Variants in ZCCHC7 observed in about 807,000 individuals in gnomAD.
ZCCHC7 encodes the protein zinc finger CCHC domain-containing protein 7.
Under a neutral mutation model 52.0 loss-of-function variants are expected in ZCCHC7, and 35 were observed. The ratio of observed to expected loss-of-function variants is 0.67; its 90% confidence interval spans 0.51 to 0.89. The LOEUF is 0.89. ZCCHC7 is among the 40% of genes least tolerant of loss of function. ZCCHC7 has a pLI of 0.00. For missense variants in ZCCHC7, 574 were observed against 649.1 expected (o/e 0.88, Z 1.26); for synonymous variants, 217 against 221.5 (o/e 0.98, Z 0.18).
chr9:37,181,250 C>T (rs1026548711), intron 2 of ZCCHC7, among the ~76,000 whole-genome samples: 1 of 151,586 alleles, frequency 6.6e-6, no homozygotes, highest in African/African-American at 2.4e-5. Context: ...TTTCACTTGT[C>T]CAGATGATAT....
chr9:37,235,933 A>G (rs1825631087), intron 2 of ZCCHC7, among the ~76,000 whole-genome samples: 1 of 151,950 alleles, frequency 6.6e-6, no homozygotes, highest in East Asian at 1.9e-4. Context: ...GTGTATCTAT[A>G]TCACATTTTC....
chr9:37,218,911 T>G (rs2133250684), intron 2 of ZCCHC7, among the ~76,000 whole-genome samples: 1 of 151,964 alleles, frequency 6.6e-6, no homozygotes, highest in East Asian at 1.9e-4. Context: ...TCTGCAGTCT[T>G]TTTTCTCCTT....
intron 2 of ZCCHC7, among the ~76,000 whole-genome samples, chr9:37,182,716 A>T (rs1018634821): frequency 6.6e-6 from 1 of 152,254 alleles, no homozygotes; most frequent in African/African-American, 2.4e-5. Flanking sequence ...GTGGAAAATC[A>T]GTCTGTCTTG....
intron 2 of ZCCHC7, among the ~76,000 whole-genome samples, chr9:37,187,529 C>G (rs890204479): frequency 2.0e-5 from 3 of 152,170 alleles, no homozygotes; most frequent in Admixed American, 1.3e-4. Flanking sequence ...CTGATTGTTC[C>G]CCAGAGTTTG....
intron 2 of ZCCHC7, among the ~76,000 whole-genome samples, chr9:37,240,609 C>G (rs1332540262): frequency 1.5e-4 from 23 of 151,576 alleles, no homozygotes; most frequent in Admixed American, 1.5e-3. Context: ...AAGATTAAAC[C>G]AAAAGATAAT....
chr9:37,310,016 T>C (rs1829519846), intron 5 of ZCCHC7, among the ~76,000 whole-genome samples: 1 of 152,172 alleles, frequency 6.6e-6, no homozygotes, highest in African/African-American at 2.4e-5. Flanking sequence ...TTACCAGATA[T>C]ATGTATGCAA....
At chr9:37,211,876 A>C (rs1824235597) in intron 2 of ZCCHC7, among the ~76,000 whole-genome samples, 1 of 151,800 alleles carries the variant, frequency 6.6e-6, no homozygotes, top group Admixed American at 6.6e-5. Flanking sequence ...AAAATACAAA[A>C]AATTAGCCGA....
At chr9:37,216,796 G>A (rs565292314) in intron 2 of ZCCHC7, among the ~76,000 whole-genome samples, 24 of 152,152 alleles carry the variant, frequency 1.6e-4, no homozygotes, top group South Asian at 8.3e-4. Context: ...GCCAGAAAAC[G>A]GAAGTCTTTG....
chr9:37,341,081 A>G (rs576373666), intron 6 of ZCCHC7, among the ~76,000 whole-genome samples: 1 of 152,290 alleles, frequency 6.6e-6, no homozygotes, highest in African/African-American at 2.4e-5. Flanking sequence ...TCAACATGAA[A>G]CATGCTTTCA....
At chr9:37,350,503 A>G (rs1022919922) in intron 7 of ZCCHC7, among the ~76,000 whole-genome samples, 2 of 152,216 alleles carry the variant, frequency 1.3e-5, no homozygotes. Flanking sequence ...CATCACATAC[A>G]TGTAAACCCT....
chr9:37,189,577 G>A (rs1057457113), intron 2 of ZCCHC7, among the ~76,000 whole-genome samples: 4 of 152,038 alleles, frequency 2.6e-5, no homozygotes, highest in African/African-American at 7.2e-5. Context: ...TAGTAGAGAC[G>A]CGGTTTCACC....
intron 2 of ZCCHC7, among the ~76,000 whole-genome samples, chr9:37,138,308 A>C (rs192566929): frequency 6.6e-6 from 1 of 152,190 alleles, no homozygotes; most frequent in Non-Finnish European, 1.5e-5. Flanking sequence ...ATTGTTCAGC[A>C]GAATGAAAAT....
chr9:37,151,423 A>C (rs1212829946), intron 2 of ZCCHC7, among the ~76,000 whole-genome samples: 1 of 152,216 alleles, frequency 6.6e-6, no homozygotes, highest in African/African-American at 2.4e-5. Context: ...TGACACTGGA[A>C]AGGGTAGCTT....
chr9:37,124,087 C>T (rs944516648), intron 1 of ZCCHC7, among the ~76,000 whole-genome samples: 7 of 152,146 alleles, frequency 4.6e-5, no homozygotes, highest in Non-Finnish European at 1.0e-4. Context: ...CACCACAACA[C>T]CCTGGTATTT....
At chr9:37,223,009 A>G (rs147277625) in intron 2 of ZCCHC7, among the ~76,000 whole-genome samples, 61 of 152,236 alleles carry the variant, frequency 4.0e-4, no homozygotes, top group East Asian at 3.7e-3. Flanking sequence ...ACATATATAT[A>G]TGTGTGTATG....
chr9:37,265,335 A>G (rs1827053528), intron 2 of ZCCHC7, among the ~76,000 whole-genome samples: 1 of 152,086 alleles, frequency 6.6e-6, no homozygotes, highest in South Asian at 2.1e-4. Context: ...CTAGGATCCT[A>G]GGATTCCTAG....
chr9:37,144,204 T>C (rs2132791027), intron 2 of ZCCHC7, among the ~76,000 whole-genome samples: 1 of 151,984 alleles, frequency 6.6e-6, no homozygotes, highest in East Asian at 1.9e-4. Context: ...GAAAATATAC[T>C]TAATTTAAAA....
chr9:37,293,373 G>C (rs1828627525), intron 2 of ZCCHC7, among the ~76,000 whole-genome samples: 3 of 152,252 alleles, frequency 2.0e-5, no homozygotes, highest in South Asian at 2.1e-4. Flanking sequence ...GAAATAATAG[G>C]ATAACTGAAA....
intron 2 of ZCCHC7, among the ~76,000 whole-genome samples, chr9:37,275,891 T>G (rs1827662796): frequency 6.6e-6 from 1 of 152,222 alleles, no homozygotes; most frequent in East Asian, 1.9e-4. Context: ...CCTCAGGTGA[T>G]CCGCCTGCCT....
Sources: gnomAD v4.1 joint callset for allele counts (sites outside exome capture counted in the v4.1 genomes callset) on GRCh38, gnomAD v4.1.1 for gene constraint, MANE v1.5 for transcripts, NCBI Gene and HGNC (gene_info 2026-07-23, HGNC 2026-07-21) for gene names.